The following HDAC9 variants were observed in gnomAD, a reference collection of about 807,000 sequenced individuals.
The protein encoded by HDAC9 is histone deacetylase 9, also known as MEF-2 interacting transcription repressor (MITR) protein.
In HDAC9, 41 loss-of-function variants were observed where a neutral mutation model predicts 139.4. The observed-to-expected ratio is 0.29, with a 90% confidence interval of 0.23 to 0.38. The LOEUF (loss-of-function observed/expected upper bound fraction) is 0.38, where lower values mean the gene tolerates loss of function less well. HDAC9 is among the 10% of genes least tolerant of loss of function. The pLI, the probability that HDAC9 is intolerant of heterozygous loss-of-function variation, is 1.00. For missense variants in HDAC9, 1,147 were observed against 1,297.0 expected, an observed-to-expected ratio of 0.88 and a Z score of 1.78; for synonymous variants, 517 against 476.2, an observed-to-expected ratio of 1.09 and a Z score of -1.12.
intron 23 of HDAC9, among the ~76,000 whole-genome samples, chr7:18,946,650 G>A (rs1241719130): frequency 6.6e-6 from 1 of 151,996 alleles, no homozygotes; most frequent in African/African-American, 2.4e-5. Flanking sequence ...AAGACAGCAT[G>A]AAAACATATT....
intron 2 of HDAC9, among the ~76,000 whole-genome samples, chr7:18,272,606 T>A (rs1244348560): frequency 6.6e-6 from 1 of 152,126 alleles, no homozygotes; most frequent in Non-Finnish European, 1.5e-5. Context: ...GTAGGCCTAA[T>A]CAAAGATTCA....
At chr7:18,565,554 C>T (rs1288346006) in intron 2 of HDAC9, among the ~76,000 whole-genome samples, 2 of 151,732 alleles carry the variant, frequency 1.3e-5, no homozygotes, top group African/African-American at 4.8e-5. Context: ...GACTTGAAGC[C>T]AAATTAGAGA....
chr7:18,163,141 A>G (rs544794505), intron 2 of HDAC9, among the ~76,000 whole-genome samples: 1 of 152,306 alleles, frequency 6.6e-6, no homozygotes, highest in Admixed American at 6.5e-5. Context: ...CTCAGGGCTT[A>G]TAAGGGAGAC....
At chr7:18,378,773 C>T (rs1316000280) in intron 1 of HDAC9, among the ~76,000 whole-genome samples, 1 of 151,982 alleles carries the variant, frequency 6.6e-6, no homozygotes, top group African/African-American at 2.4e-5. Context: ...CAAAACAAAA[C>T]AAAATGCCTT....
At chr7:18,513,246 AG>A (rs1802104911) in intron 2 of HDAC9, among the ~76,000 whole-genome samples, 2 of 152,372 alleles carry the variant, frequency 1.3e-5, no homozygotes, top group East Asian at 3.9e-4. Flanking sequence ...AAGATAGGGC[AG>A]GGACTTTAGT....
intron 12 of HDAC9, among the ~76,000 whole-genome samples, chr7:18,698,839 T>A (rs746822442): frequency 6.6e-6 from 1 of 152,116 alleles, no homozygotes; most frequent in Non-Finnish European, 1.5e-5. Flanking sequence ...TGTATCACAT[T>A]AGTTATCAAA....
intron 23 of HDAC9, among the ~76,000 whole-genome samples, chr7:18,940,618 C>T (rs1258270194): frequency 6.6e-6 from 1 of 152,116 alleles, no homozygotes. Context: ...ATACTTGTGT[C>T]AATAACCACA....
At chr7:18,186,989 A>G (rs73317853) in intron 2 of HDAC9, among the ~76,000 whole-genome samples, 3,930 of 152,280 alleles carry the variant, frequency 0.026, 179 homozygotes, top group African/African-American at 0.089. Flanking sequence ...AGTGTTCAAA[A>G]CCCCTAGGCA....
intron 2 of HDAC9, among the ~76,000 whole-genome samples, chr7:18,223,159 A>G (rs941453806): frequency 1.3e-5 from 2 of 152,250 alleles, no homozygotes; most frequent in African/African-American, 4.8e-5. Flanking sequence ...TGTTCATGAC[A>G]TGTACCTTGT....
chr7:18,976,737 G>T (rs543380630), intron 25 of HDAC9, among the ~76,000 whole-genome samples: 1 of 152,134 alleles, frequency 6.6e-6, no homozygotes, highest in Non-Finnish European at 1.5e-5. Flanking sequence ...CACCATAAAT[G>T]TACATAAATA....
intron 1 of HDAC9, among the ~76,000 whole-genome samples, chr7:18,396,636 A>G (rs776193401): frequency 1.1e-4 from 17 of 152,122 alleles, no homozygotes; most frequent in Admixed American, 5.9e-4. Flanking sequence ...CTTGATTGTC[A>G]CTGTTAAGAG....
chr7:18,767,641 G>A (rs942908807), intron 16 of HDAC9, among the ~76,000 whole-genome samples: 4 of 152,112 alleles, frequency 2.6e-5, no homozygotes, highest in Admixed American at 1.3e-4. Context: ...GGACATTTTT[G>A]TCTTCAATAA....
intron 1 of HDAC9, among the ~76,000 whole-genome samples, chr7:18,411,687 AAT>A (rs781492298): frequency 1.7e-4 from 26 of 152,122 alleles, no homozygotes; most frequent in East Asian, 1.9e-4. Flanking sequence ...CTTTTTAAAA[AAT>A]AGTCTTTGTG....
chr7:18,831,245 T>G (rs1020196968), intron 19 of HDAC9, among the ~76,000 whole-genome samples: 1 of 152,214 alleles, frequency 6.6e-6, no homozygotes, highest in African/African-American at 2.4e-5. Flanking sequence ...ATTTGTGATA[T>G]CTAGACTCAA....
At chr7:18,832,819 T>A (rs1369280907) in intron 19 of HDAC9, among the ~76,000 whole-genome samples, 4 of 152,090 alleles carry the variant, frequency 2.6e-5, no homozygotes, top group African/African-American at 4.8e-5. Flanking sequence ...CACCGCAACC[T>A]CCACCTCCCG....
chr7:18,687,159 T>G (rs1782334353), intron 12 of HDAC9, among the ~76,000 whole-genome samples: 1 of 151,850 alleles, frequency 6.6e-6, no homozygotes. Context: ...TCAAAATTCT[T>G]AGTGTAGCTT....
intron 17 of HDAC9, among the ~76,000 whole-genome samples, chr7:18,821,659 A>G (rs1794984562): frequency 1.3e-5 from 2 of 152,352 alleles, no homozygotes; most frequent in South Asian, 2.1e-4. Context: ...TTATCTGCAG[A>G]CACTGACTGG....
chr7:18,997,230 T>C lies in HDAC9; in HGVS notation c.*1168T>C, dbSNP rs1170925399. The C allele has an allele frequency of 1.3e-5, 2 of 151,724 alleles. No individual in the cohort carries two copies. Among genetic ancestry groups the C allele is most frequent in the Non-Finnish European group, 1.5e-5 (1 of 67,964 alleles). The allele number at this position is 151,724 out of a possible 1,614,324, so 9.4% of individuals were successfully genotyped here. Reference sequence around the variant, plus strand: ...GCTAAATTTCTATGTGTTTGAAATGTGTTAATGAAGGCACTGCTTATTTGT... The same window carrying C: ...GCTAAATTTCTATGTGTTTGAAATGCGTTAATGAAGGCACTGCTTATTTGT... On this transcript the variant is annotated 3_prime_UTR_variant, in exon 26 of 26. Coordinates refer to ENST00000686413, the MANE Select transcript of HDAC9 (RefSeq NM_178425.4).
intron 1 of HDAC9, among the ~76,000 whole-genome samples, chr7:18,119,650 G>A (rs1342110053): frequency 2.0e-5 from 3 of 152,154 alleles, no homozygotes; most frequent in Non-Finnish European, 4.4e-5. Flanking sequence ...AATAGACACT[G>A]GAAAATCTGA....
Sources: gnomAD v4.1 joint callset for allele counts (sites outside exome capture counted in the v4.1 genomes callset) on GRCh38, gnomAD v4.1.1 for gene constraint, MANE v1.5 for transcripts, NCBI Gene and HGNC (gene_info 2026-07-23, HGNC 2026-07-21) for gene names.